VRK1: variants seen among roughly 807,000 people sequenced by gnomAD.
VRK1 encodes the protein VRK serine/threonine kinase 1.
A neutral mutation model predicts 57.1 loss-of-function variants in VRK1; 33 were observed. That is an observed-to-expected ratio of 0.58 (90% confidence interval 0.44 to 0.77). VRK1 has a LOEUF of 0.77. Ranked by LOEUF, VRK1 falls within the 30% of genes least tolerant of loss-of-function variation. The pLI is 0.00. For missense variants in VRK1, 413 were observed against 477.3 expected (o/e 0.87, Z 1.25); for synonymous variants, 137 against 147.8 (o/e 0.93, Z 0.53).
chr14:96,836,412 C>A lies in VRK1; in HGVS notation c.161-1350C>A, dbSNP rs556775494. Reference sequence around the variant, plus strand: ...ACCTGTTAAGCCCATCGTGTTTGTTCCCTGCTGCTTTCTGATCTGTCTCTC... The same window carrying A: ...ACCTGTTAAGCCCATCGTGTTTGTTACCTGCTGCTTTCTGATCTGTCTCTC... On this transcript the variant is annotated intron_variant, in intron 2 of 12. Coordinates refer to ENST00000216639, the MANE Select transcript of VRK1 (RefSeq NM_003384.3). 2.0e-5 allele frequency among the ~76,000 whole-genome samples: 3 copies of A among 152,084 alleles called. No homozygotes were observed. The East Asian group carries it at 5.8e-4, about 29-fold the overall frequency.
At chr14:96,865,873 A>G (rs1339457757) in intron 11 of VRK1, among the ~76,000 whole-genome samples, 1 of 151,490 alleles carries the variant, frequency 6.6e-6, no homozygotes, top group Non-Finnish European at 1.5e-5. Flanking sequence ...AAGTTCTGTA[A>G]TGATTGTTTT....
chr14:96,838,175 A>G (rs1887297253), intron 3 of VRK1, among the ~76,000 whole-genome samples: 1 of 151,968 alleles, frequency 6.6e-6, no homozygotes, highest in South Asian at 2.1e-4. Context: ...ATTTTATTGT[A>G]TTTTATTTTG....
intron 1 of VRK1, among the ~76,000 whole-genome samples, chr14:96,812,297 T>C (rs1163947688): frequency 1.3e-5 from 2 of 152,160 alleles, no homozygotes; most frequent in African/African-American, 4.8e-5. Context: ...TGAGTATACC[T>C]AGGTAATTCT....
intron 1 of VRK1, among the ~76,000 whole-genome samples, chr14:96,808,658 CTTTTT>C (rs372103145): frequency 0.091 from 11,084 of 121,842 alleles, 480 homozygotes; most frequent in Middle Eastern, 0.17. Context: ...GCCCTCTGGA[CTTTTT>C]TTTTTTTTTT....
intron 11 of VRK1, among the ~76,000 whole-genome samples, chr14:96,869,187 G>A (rs949515747): frequency 6.6e-6 from 1 of 152,200 alleles, no homozygotes; most frequent in African/African-American, 2.4e-5. Context: ...AGGAATAAAA[G>A]ATATAAAGTG....
chr14:96,840,466 T>C (rs1422617131), intron 3 of VRK1, among the ~76,000 whole-genome samples: 1 of 152,212 alleles, frequency 6.6e-6, no homozygotes, highest in African/African-American at 2.4e-5. Flanking sequence ...TTGTGGATTT[T>C]TCTTCTTCTT....
At chr14:96,818,778 T>G (rs965085020) in intron 1 of VRK1, among the ~76,000 whole-genome samples, 1 of 152,168 alleles carries the variant, frequency 6.6e-6, no homozygotes, top group Non-Finnish European at 1.5e-5. Flanking sequence ...GTTTTTTATG[T>G]TTAGTGATTT....
At chr14:96,854,388 G>C (rs1160196692) in intron 7 of VRK1, among the ~76,000 whole-genome samples, 1 of 152,022 alleles carries the variant, frequency 6.6e-6, no homozygotes, top group African/African-American at 2.4e-5. Flanking sequence ...GCTTTGGATG[G>C]GATTATTTTT....
intron 1 of VRK1, among the ~76,000 whole-genome samples, chr14:96,798,392 T>C (rs1346092739): frequency 6.6e-6 from 1 of 152,216 alleles, no homozygotes; most frequent in Admixed American, 6.5e-5. Flanking sequence ...GCCACCCATT[T>C]TTCTGATGTC....
chr14:96,862,901 G>C (rs1424129108), intron 11 of VRK1, among the ~76,000 whole-genome samples: 1 of 152,122 alleles, frequency 6.6e-6, no homozygotes, highest in African/African-American at 2.4e-5. Context: ...ATCAGACTCA[G>C]ATCTCTTTTG....
chr14:96,847,411 C>T (rs1022643063), intron 5 of VRK1, 67 bp downstream of exon 5: 29 of 1,330,164 alleles, frequency 2.2e-5, no homozygotes, highest in Middle Eastern at 3.6e-4. Context: ...TTGGTTTAGT[C>T]AGTAATTATT....
intron 11 of VRK1, among the ~76,000 whole-genome samples, chr14:96,861,258 T>C (rs1888379912): frequency 6.6e-6 from 1 of 152,186 alleles, no homozygotes; most frequent in Non-Finnish European, 1.5e-5. Flanking sequence ...TGGAGAGAAA[T>C]GTTAAATAAT....
At position 96,853,141 on chromosome 14, in the gene VRK1, T is replaced by A. The variant is rs1888017746; in HGVS notation, c.551T>A (p.Leu184His). Reference sequence around the variant, plus strand: ...GGAGATATCAAGGCCTCAAATCTTCTTCTGAACTACAAGAATCCTGACCAG... The same window carrying A: ...GGAGATATCAAGGCCTCAAATCTTCATCTGAACTACAAGAATCCTGACCAG... ...VHGDIKASNL[L>H]LNYKNPDQVY... Residue 184 changes from leucine (L) to histidine (H), a missense_variant, in exon 7 of 13, where the codon CTT becomes CAT. By Grantham distance (99) the Leu-to-His change is moderately conservative (BLOSUM62 -3). Transcript: ENST00000216639. 1 of 1,613,748 alleles carries A rather than the reference T, an allele frequency of 6.2e-7. No individual in the cohort carries two copies. Among genetic ancestry groups the A allele is most frequent in the Non-Finnish European group, 8.5e-7 (1 of 1,179,782 alleles).
intron 2 of VRK1, among the ~76,000 whole-genome samples, chr14:96,835,418 C>T (rs757410746): frequency 1.1e-4 from 17 of 152,046 alleles, no homozygotes; most frequent in South Asian, 2.1e-4. Context: ...CTGTGTGCTC[C>T]GGCTTTTCTT....
At chr14:96,803,327 C>T (rs1288475629) in intron 1 of VRK1, among the ~76,000 whole-genome samples, 4 of 151,924 alleles carry the variant, frequency 2.6e-5, no homozygotes, top group Non-Finnish European at 4.4e-5. Context: ...CCTGCTGCCA[C>T]GCACCGCAAA....
chr14:96,821,437 T>TA (rs199852274), intron 1 of VRK1, among the ~76,000 whole-genome samples: 1,583 of 151,846 alleles, frequency 0.01, 22 homozygotes, highest in African/African-American at 0.031. Context: ...TGTGTAAAGT[T>TA]AAAAAAAACA....
At chr14:96,803,480 ATT>A (rs1222012531) in intron 1 of VRK1, among the ~76,000 whole-genome samples, 1 of 152,048 alleles carries the variant, frequency 6.6e-6, no homozygotes, top group African/African-American at 2.4e-5. Flanking sequence ...CCGCTGACAT[ATT>A]GTTATAATTA....
intron 2 of VRK1, among the ~76,000 whole-genome samples, chr14:96,836,518 CTTTT>C (rs10560354): frequency 5.6e-5 from 5 of 89,458 alleles, no homozygotes; most frequent in African/African-American, 1.7e-4. Flanking sequence ...ACATCAGGGT[CTTTT>C]TTTTTTTTTT....
At chr14:96,833,672 A>T in intron 2 of VRK1, 41 bp downstream of exon 2, 1 of 1,612,534 alleles carries the variant, frequency 6.2e-7, no homozygotes, top group East Asian at 2.2e-5. Flanking sequence ...CCAAAGATTT[A>T]TATGTTTTCT....
Sources: allele counts gnomAD v4.1 joint callset (sites outside exome capture counted in the v4.1 genomes callset), GRCh38; gene constraint gnomAD v4.1.1; transcripts MANE v1.5; gene names NCBI Gene and HGNC (gene_info 2026-07-23, HGNC 2026-07-21).